The following CADM2 variants were observed in gnomAD, a reference collection of about 807,000 sequenced individuals.
CADM2 encodes immunoglobulin superfamily member 4D.
A neutral mutation model predicts 49.8 loss-of-function variants in CADM2; 12 were observed. That is an observed-to-expected ratio of 0.24 (90% CI 0.15 to 0.39). The LOEUF (loss-of-function observed/expected upper bound fraction) is 0.39. Among genes scored for constraint, CADM2 ranks in the 10% least tolerant of loss-of-function variants. The pLI is 1.00. For missense variants in CADM2, 378 were observed against 492.3 expected, an observed-to-expected ratio of 0.77 and a Z score of 2.20; for synonymous variants, 214 against 175.4, an observed-to-expected ratio of 1.22 and a Z score of -1.74.
intron 1 of CADM2, among the ~76,000 whole-genome samples, chr3:85,050,561 T>TA (rs777759723): frequency 2.0e-5 from 3 of 152,142 alleles, no homozygotes; most frequent in Non-Finnish European, 2.9e-5. Context: ...GGAGATAGTA[T>TA]ATGCATTTTA....
intron 3 of CADM2, among the ~76,000 whole-genome samples, chr3:85,818,018 A>G (rs566474395): frequency 1.3e-5 from 2 of 152,282 alleles, no homozygotes; most frequent in South Asian, 2.1e-4. Context: ...AGCAGTTTCT[A>G]TCTAGGAAGT....
At chr3:85,464,926 G>A (rs2038419734) in intron 1 of CADM2, among the ~76,000 whole-genome samples, 1 of 152,082 alleles carries the variant, frequency 6.6e-6, no homozygotes, top group Non-Finnish European at 1.5e-5. Flanking sequence ...GAGGTGGGTG[G>A]ATCACAAGGT....
At chr3:85,837,730 T>C (rs948672465) in intron 3 of CADM2, among the ~76,000 whole-genome samples, 1 of 151,796 alleles carries the variant, frequency 6.6e-6, no homozygotes, top group Non-Finnish European at 1.5e-5. Flanking sequence ...ACTCTGTTAC[T>C]ATTCTGCAGG....
At chr3:85,429,345 T>C (rs1388124335) in intron 1 of CADM2, among the ~76,000 whole-genome samples, 1 of 152,132 alleles carries the variant, frequency 6.6e-6, no homozygotes, top group Non-Finnish European at 1.5e-5. Flanking sequence ...ATTGCATTCT[T>C]ACTAGTTATG....
intron 2 of CADM2, 58 bp from the exon 3 acceptor site, chr3:85,801,989 G>A: frequency 7.1e-7 from 1 of 1,411,528 alleles, no homozygotes; most frequent in Non-Finnish European, 9.7e-7. Flanking sequence ...GTAGATCTTA[G>A]GCAGTTAATC....
At chr3:85,621,929 G>T (rs904926017) in intron 1 of CADM2, among the ~76,000 whole-genome samples, 2 of 152,030 alleles carry the variant, frequency 1.3e-5, no homozygotes, top group Non-Finnish European at 2.9e-5. Context: ...ATAATTCCCC[G>T]CTTGAATTCC....
chr3:85,699,412 A>G, intron 1 of CADM2, among the ~76,000 whole-genome samples: 1 of 152,174 alleles, frequency 6.6e-6, no homozygotes, highest in East Asian at 1.9e-4. Flanking sequence ...ATTCCCCGTG[A>G]GGTCTCTGCC....
chr3:85,965,204 G>A (rs1293812764), intron 8 of CADM2, among the ~76,000 whole-genome samples: 1 of 150,306 alleles, frequency 6.7e-6, no homozygotes, highest in Non-Finnish European at 1.5e-5. Flanking sequence ...TTCACACTTT[G>A]TGTAGTTCCA....
intron 1 of CADM2, among the ~76,000 whole-genome samples, chr3:85,691,909 G>A (rs2066400227): frequency 6.6e-6 from 1 of 152,108 alleles, no homozygotes; most frequent in Non-Finnish European, 1.5e-5. Flanking sequence ...CTCACTCATA[G>A]GTGGGAATTG....
At chr3:85,616,525 A>G (rs1302212743) in intron 1 of CADM2, among the ~76,000 whole-genome samples, 3 of 152,054 alleles carry the variant, frequency 2.0e-5, no homozygotes, top group Non-Finnish European at 4.4e-5. Flanking sequence ...TATGTATTTA[A>G]TCCTTAGGTA....
In CADM2 at chr3:85,000,114, T is replaced by TTCTCTC. The variant is rs59094520; in HGVS notation, c.61+40475_61+40480dup. 9.9e-3 allele frequency among the ~76,000 whole-genome samples: 1,355 copies of TTCTCTC among 136,878 alleles called. 18 individuals are homozygous for TTCTCTC. Among genetic ancestry groups the TTCTCTC allele is most frequent in the African/African-American group, 0.025 (902 of 36,146 alleles). The allele number at this position is 136,878 out of a possible 152,430, so 89.8% of individuals were successfully genotyped here. A position where few individuals can be genotyped will look rare whatever the true frequency, so the allele number is the denominator to read the frequency against. On this transcript the variant is annotated intron_variant, in intron 1 of 9. Transcript: ENST00000383699. ...ATATAACATATAGGTTGCTTCTACT[T>TTCTCTC]TCTCTCTCTCTCTCTCTCTCTCTCT...
intron 1 of CADM2, among the ~76,000 whole-genome samples, chr3:85,060,163 C>G (rs1183805249): frequency 6.6e-6 from 1 of 152,138 alleles, no homozygotes; most frequent in Non-Finnish European, 1.5e-5. Flanking sequence ...TAGCGTCCCT[C>G]TCTGTCGCCC....
intron 1 of CADM2, among the ~76,000 whole-genome samples, chr3:85,023,155 C>T (rs2034580591): frequency 1.3e-5 from 2 of 152,018 alleles, no homozygotes. Context: ...TGAATTCAGA[C>T]TAAATTTTAG....
chr3:85,930,399 C>T (rs1020681925), intron 6 of CADM2, among the ~76,000 whole-genome samples: 3 of 152,024 alleles, frequency 2.0e-5, no homozygotes, highest in African/African-American at 7.2e-5. Context: ...ATAAGCACAT[C>T]ATGAAGAATG....
chr3:84,994,212 T>C (rs561584138), intron 1 of CADM2, among the ~76,000 whole-genome samples: 1 of 152,334 alleles, frequency 6.6e-6, no homozygotes, highest in Non-Finnish European at 1.5e-5. Context: ...CTTCTGACTC[T>C]CTAAGTTTGA....
intron 8 of CADM2, 151 bp from the exon 9 acceptor site, chr3:86,065,454 T>A: frequency 1.4e-6 from 1 of 694,532 alleles, no homozygotes; most frequent in South Asian, 2.1e-5. Context: ...TTGTATATTA[T>A]ATTTGTTCAC....
At chr3:85,605,823 G>A (rs1157340883) in intron 1 of CADM2, among the ~76,000 whole-genome samples, 1 of 152,058 alleles carries the variant, frequency 6.6e-6, no homozygotes, top group Non-Finnish European at 1.5e-5. Context: ...TGCTAAACCT[G>A]ATTTCAGTAA....
At chr3:86,053,066 C>A (rs1737526862) in intron 8 of CADM2, among the ~76,000 whole-genome samples, 1 of 151,974 alleles carries the variant, frequency 6.6e-6, no homozygotes, top group African/African-American at 2.4e-5. Context: ...AAGTTTTATA[C>A]CAGTATTTTC....
At chr3:85,417,276 G>A (rs546938752) in intron 1 of CADM2, among the ~76,000 whole-genome samples, 2 of 152,038 alleles carry the variant, frequency 1.3e-5, no homozygotes, top group Non-Finnish European at 2.9e-5. Flanking sequence ...ACAAAATCCT[G>A]TTTGGAAATC....
Sources: gnomAD v4.1 joint callset for allele counts (sites outside exome capture counted in the v4.1 genomes callset) on GRCh38, gnomAD v4.1.1 for gene constraint, MANE v1.5 for transcripts, NCBI Gene and HGNC (gene_info 2026-07-23, HGNC 2026-07-21) for gene names.